Variants in WWC1 observed in about 807,000 individuals in gnomAD.
WWC1 encodes the protein protein KIBRA.
A neutral mutation model predicts 138.4 loss-of-function variants in WWC1; 55 were observed. The observed-to-expected ratio is 0.40, with a 90% CI of 0.32 to 0.50. The LOEUF is 0.50. Among genes scored for constraint, WWC1 ranks in the 20% least tolerant of loss-of-function variants. The pLI is 0.72. For synonymous variants in WWC1, 524 were observed against 564.9 expected, an observed-to-expected ratio of 0.93 and a Z score of 1.03; for missense variants, 1,226 against 1,420.4, an observed-to-expected ratio of 0.86 and a Z score of 2.20.
rs111478545 is a variant in WWC1, at chr5:168,295,649, G to A, written c.119+3378G>A. ...TCTTAGCCACCAAGGACAAAATAGC[G>A]TCTCTGGTTACCAACCCTAAAGAAT... is the stretch of plus-strand genomic sequence containing the variant. On this transcript the variant is annotated intron_variant, in intron 1 of 22. Coordinates refer to ENST00000265293, the MANE Select transcript of WWC1 (RefSeq NM_015238.3). Among the ~76,000 whole-genome samples the A allele has an allele frequency of 1.8e-3, 277 of 152,204 alleles. 1 individual carries two copies. Among genetic ancestry groups the A allele is most frequent in the African/African-American group, 6.2e-3 (258 of 41,530 alleles).
chr5:168,339,945 C>T, intron 1 of WWC1, among the ~76,000 whole-genome samples: 1 of 129,524 alleles, frequency 7.7e-6, no homozygotes, highest in East Asian at 2.9e-4. Context: ...CTCTCTCTCT[C>T]TCCCCCTCTC....
chr5:168,340,503 C>A (rs1185492676), intron 1 of WWC1, among the ~76,000 whole-genome samples: 1 of 151,794 alleles, frequency 6.6e-6, no homozygotes, highest in Non-Finnish European at 1.5e-5. Context: ...CACTTCCCCC[C>A]AGCCCTAGAC....
At chr5:168,306,149 A>G (rs1216379069) in intron 1 of WWC1, among the ~76,000 whole-genome samples, 2 of 152,100 alleles carry the variant, frequency 1.3e-5, no homozygotes, top group South Asian at 2.1e-4. Context: ...TGTAATCCCA[A>G]CACTTTGGGA....
At chr5:168,441,876 C>G in intron 16 of WWC1, 42 bp downstream of exon 16, 1 of 1,592,214 alleles carries the variant, frequency 6.3e-7, no homozygotes, top group East Asian at 2.3e-5. Flanking sequence ...CAAGGCCGCA[C>G]CCGGATGTTG....
intron 10 of WWC1, among the ~76,000 whole-genome samples, chr5:168,423,192 G>C (rs1350414785): frequency 1.5e-5 from 2 of 137,410 alleles, no homozygotes; most frequent in African/African-American, 2.7e-5. Flanking sequence ...TTGATTTCAA[G>C]AAAGATATTA....
chr5:168,434,656 A>G (rs1782216652), intron 15 of WWC1, among the ~76,000 whole-genome samples: 1 of 152,210 alleles, frequency 6.6e-6, no homozygotes, highest in South Asian at 2.1e-4. Flanking sequence ...CCATCTCACC[A>G]TGCTACTTCT....
At chr5:168,310,153 G>T (rs1770933532) in intron 1 of WWC1, among the ~76,000 whole-genome samples, 2 of 152,144 alleles carry the variant, frequency 1.3e-5, no homozygotes, top group African/African-American at 4.8e-5. Flanking sequence ...GAATGAGAAT[G>T]ATAGTGTTTA....
intron 1 of WWC1, among the ~76,000 whole-genome samples, chr5:168,371,152 T>C (rs1217308866): frequency 1.3e-5 from 2 of 152,184 alleles, no homozygotes; most frequent in African/African-American, 2.4e-5. Context: ...AAGAAGGAAG[T>C]TGACTTGCTC....
chr5:168,407,130 G>T (rs933089526), intron 6 of WWC1, among the ~76,000 whole-genome samples: 5 of 152,068 alleles, frequency 3.3e-5, no homozygotes, highest in Non-Finnish European at 7.4e-5. Context: ...GAGGGAGGTG[G>T]TTTCAACATC....
intron 8 of WWC1, chr5:168,412,112 GA>G (rs1780273485): frequency 1.0e-6 from 1 of 985,268 alleles, no homozygotes. Flanking sequence ...CATCCTGCAG[GA>G]ATGCCTGTCT....
At chr5:168,461,363 C>T (rs975522358) in intron 20 of WWC1, among the ~76,000 whole-genome samples, 1 of 152,160 alleles carries the variant, frequency 6.6e-6, no homozygotes, top group Non-Finnish European at 1.5e-5. Context: ...ACCAACCCAA[C>T]AGTCATCAGT....
At chr5:168,366,923 G>A (rs777451524) in intron 1 of WWC1, among the ~76,000 whole-genome samples, 5 of 144,658 alleles carry the variant, frequency 3.5e-5, no homozygotes, top group Admixed American at 7.2e-5. Context: ...TCAGCCTCCC[G>A]AGTAGCTGGG....
At chr5:168,345,139 C>T (rs1049025135) in intron 1 of WWC1, among the ~76,000 whole-genome samples, 1 of 152,142 alleles carries the variant, frequency 6.6e-6, no homozygotes, top group African/African-American at 2.4e-5. Context: ...GAGGTTCACT[C>T]TGTTGCCCAG....
chr5:168,312,815 CTTTTTTTTTTTTT>C (rs763253959), intron 1 of WWC1, among the ~76,000 whole-genome samples: 1 of 123,772 alleles, frequency 8.1e-6, no homozygotes, highest in South Asian at 2.8e-4. Flanking sequence ...ATCCTAAGTA[CTTTTTTTTTTTTT>C]TTTTTTTTTT....
rs185868595 is a variant in WWC1, at chr5:168,341,382, C to G, written c.120-30042C>G. ...AGTATAGTATGCAGGCTTCTGAAGT[C>G]AAGCATTTACTCATCTATTACTCAG... On this transcript the variant is annotated intron_variant, in intron 1 of 22. Coordinates refer to ENST00000265293, the MANE Select transcript of WWC1 (RefSeq NM_015238.3). Among the ~76,000 whole-genome samples, 210 of 152,228 alleles carry G rather than the reference C, an allele frequency of 1.4e-3. 1 individual carries two copies. Among genetic ancestry groups the G allele is most frequent in the African/African-American group, 4.9e-3 (202 of 41,534 alleles).
At chr5:168,388,517 A>AAAAGG (rs529675655) in intron 3 of WWC1, among the ~76,000 whole-genome samples, 2 of 152,170 alleles carry the variant, frequency 1.3e-5, no homozygotes, top group African/African-American at 4.8e-5. Context: ...GTCCAAGAAA[A>AAAAGG]AAAGGAAAGG....
intron 13 of WWC1, 117 bp downstream of exon 13, chr5:168,428,904 A>G: frequency 9.7e-7 from 1 of 1,034,032 alleles, no homozygotes; most frequent in Non-Finnish European, 1.5e-6. Flanking sequence ...CAGCACCAGC[A>G]GGACCTGCTG....
rs761993737 is a variant in WWC1 at position 168,423,860 on chromosome 5, A to G, written c.1602A>G (p.Leu534=). ...LSGTPKSMTS[L]SPRSSLSSPS... ...GCACCCCAAAGTCCATGACCTCCCT[A>G]TCCCCACGTTCCTCTCTCTCCTCCC... Residue 534 remains leucine (L), a synonymous_variant, in exon 11 of 23, where the codon CTA becomes CTG. Coordinates refer to ENST00000265293, the MANE Select transcript of WWC1 (RefSeq NM_015238.3). 6.2e-7 allele frequency: 1 copy of G among 1,613,376 alleles called. No homozygotes were observed. The highest frequency in any genetic ancestry group is 1.1e-5 in the South Asian group (1 of 91,030).
intron 1 of WWC1, among the ~76,000 whole-genome samples, chr5:168,328,440 G>A (rs1277740594): frequency 6.6e-6 from 1 of 152,162 alleles, no homozygotes; most frequent in Non-Finnish European, 1.5e-5. Context: ...GATCTCTAGA[G>A]GGTGAAGAGT....
Sources: allele counts gnomAD v4.1 joint callset (sites outside exome capture counted in the v4.1 genomes callset), GRCh38; gene constraint gnomAD v4.1.1; transcripts MANE v1.5; gene names NCBI Gene and HGNC (gene_info 2026-07-23, HGNC 2026-07-21).